SOX5: variants seen among roughly 807,000 people sequenced by gnomAD.
SOX5 encodes SRY-box transcription factor 5, also known as transcription factor SOX-5.
A neutral mutation model predicts 92.0 loss-of-function variants in SOX5; 9 were observed. The ratio of observed to expected loss-of-function variants is 0.10; its 90% confidence interval spans 0.06 to 0.17. SOX5 has a LOEUF of 0.17. Ranked by LOEUF, SOX5 falls within the 10% of genes least tolerant of loss-of-function variation. The pLI is 1.00. For missense variants in SOX5, 642 were observed against 944.5 expected (o/e 0.68, Z 4.20); for synonymous variants, 344 against 336.3 (o/e 1.02, Z -0.25).
intron 2 of SOX5, among the ~76,000 whole-genome samples, chr12:23,883,429 A>T (rs1405990060): frequency 2.0e-5 from 3 of 152,028 alleles, no homozygotes; most frequent in Non-Finnish European, 2.9e-5. Context: ...TTTTGTTCTG[A>T]TAAATAATCA....
intron 1 of SOX5, among the ~76,000 whole-genome samples, chr12:23,903,404 G>A (rs1036565576): frequency 2.6e-5 from 4 of 152,098 alleles, no homozygotes; most frequent in African/African-American, 9.7e-5. Context: ...GCAAAACTGG[G>A]AGACTCCATT....
At chr12:24,369,635 T>A (rs908991870) in intron 1 of SOX5, among the ~76,000 whole-genome samples, 1 of 152,214 alleles carries the variant, frequency 6.6e-6, no homozygotes, top group African/African-American at 2.4e-5. Context: ...CTGTCTCCTT[T>A]TCTTAAAACA....
At chr12:24,451,347 A>G (rs1942274295) in intron 1 of SOX5, among the ~76,000 whole-genome samples, 1 of 152,166 alleles carries the variant, frequency 6.6e-6, no homozygotes, top group Non-Finnish European at 1.5e-5. Context: ...TGGTAGCTCA[A>G]TGTGTAGTTT....
chr12:23,534,920 G>A (rs1232841584), intron 14 of SOX5, among the ~76,000 whole-genome samples: 2 of 151,984 alleles, frequency 1.3e-5, no homozygotes, highest in South Asian at 2.1e-4. Flanking sequence ...ATGTTGGCCA[G>A]GCTGGTCTTG....
At chr12:24,320,322 T>C (rs1171616341) in intron 2 of SOX5, among the ~76,000 whole-genome samples, 1 of 152,192 alleles carries the variant, frequency 6.6e-6, no homozygotes, top group African/African-American at 2.4e-5. Context: ...AAGTTTTCCT[T>C]TATAGGTCTT....
intron 4 of SOX5, among the ~76,000 whole-genome samples, chr12:24,004,662 T>C (rs889506782): frequency 7.2e-5 from 11 of 152,134 alleles, no homozygotes; most frequent in African/African-American, 2.7e-4. Context: ...TGCATATATA[T>C]TGCTGCTGGG....
At chr12:24,178,187 G>A (rs1309906469) in intron 4 of SOX5, among the ~76,000 whole-genome samples, 2 of 151,082 alleles carry the variant, frequency 1.3e-5, no homozygotes, top group Admixed American at 6.6e-5. Flanking sequence ...AGATCCCATC[G>A]GCCAACTTTC....
chr12:24,189,524 T>G (rs1005297953), intron 4 of SOX5, among the ~76,000 whole-genome samples: 1 of 152,148 alleles, frequency 6.6e-6, no homozygotes, highest in Non-Finnish European at 1.5e-5. Flanking sequence ...GTATGAGTAT[T>G]CTTAAGTCTC....
chr12:24,353,155 T>C (rs796823228), intron 2 of SOX5, among the ~76,000 whole-genome samples: 20 of 152,312 alleles, frequency 1.3e-4, no homozygotes, highest in African/African-American at 4.6e-4. Flanking sequence ...ATTGGTCAAA[T>C]CTTACCCGGC....
intron 11 of SOX5, among the ~76,000 whole-genome samples, chr12:23,554,663 C>T (rs1944804683): frequency 6.6e-6 from 1 of 152,080 alleles, no homozygotes; most frequent in African/African-American, 2.4e-5. Flanking sequence ...ATATCAATAG[C>T]TGTTATACTC....
chr12:23,952,182 C>T (rs1368426063), upstream of SOX5, among the ~76,000 whole-genome samples: 2 of 151,706 alleles, frequency 1.3e-5, no homozygotes, highest in Non-Finnish European at 2.9e-5. Context: ...TTACAGGGAG[C>T]CATGGGAGTG....
At chr12:23,720,138 C>T (rs1004121432) in intron 6 of SOX5, among the ~76,000 whole-genome samples, 5 of 152,102 alleles carry the variant, frequency 3.3e-5, no homozygotes, top group Non-Finnish European at 5.9e-5. Context: ...TTCCTGTTCT[C>T]TTATGTGAAT....
chr12:23,841,873 A>ATGCATTTGTCAATGCATAC (rs1366436280), intron 3 of SOX5, among the ~76,000 whole-genome samples: 3 of 152,138 alleles, frequency 2.0e-5, no homozygotes, highest in Non-Finnish European at 4.4e-5. Flanking sequence ...AAATGACAAT[A>ATGCATTTGTCAATGCATAC]TGCATTTGTC....
Position 23,563,245 on chromosome 12 carries a change from T to G in SOX5, c.1488+13A>C, listed in dbSNP as rs776611831. On this transcript the variant is annotated intron_variant, in intron 11 of 14. Coordinates refer to ENST00000451604, the MANE Select transcript of SOX5 (RefSeq NM_006940.6). The stretch of plus-strand genomic sequence containing the variant: ...TAAGTATTTCTAGAAAGTAAGTTAT[T>G]TTATGAACTGACCTTTTCTGTTCGG... 10 of 1,593,362 alleles carry G rather than the reference T, an allele frequency of 6.3e-6. No homozygotes were observed. In the South Asian group the frequency reaches 1.1e-4, roughly 18 times the overall value.
chr12:23,667,541 A>T (rs148159445), intron 6 of SOX5, among the ~76,000 whole-genome samples: 18 of 152,320 alleles, frequency 1.2e-4, no homozygotes, highest in African/African-American at 3.4e-4. Context: ...CCTAGAGATT[A>T]TCAGCAACAA....
intron 4 of SOX5, among the ~76,000 whole-genome samples, chr12:24,045,394 G>T (rs1382644712): frequency 6.6e-6 from 1 of 152,076 alleles, no homozygotes; most frequent in East Asian, 1.9e-4. Flanking sequence ...GACCTCCCAG[G>T]CTCAAGAAAC....
intron 2 of SOX5, among the ~76,000 whole-genome samples, chr12:24,351,958 C>A (rs1038519062): frequency 2.0e-5 from 3 of 152,314 alleles, no homozygotes; most frequent in African/African-American, 7.2e-5. Context: ...ACAGCTCTTT[C>A]AACTTTGTGA....
At chr12:23,653,823 C>T (rs2081986203) in intron 7 of SOX5, among the ~76,000 whole-genome samples, 1 of 152,018 alleles carries the variant, frequency 6.6e-6, no homozygotes, top group Non-Finnish European at 1.5e-5. Context: ...ACATTCAGAC[C>T]ATAGCAATCC....
At chr12:24,539,622 A>T (rs948423112) in intron 1 of SOX5, among the ~76,000 whole-genome samples, 1 of 152,124 alleles carries the variant, frequency 6.6e-6, no homozygotes, top group African/African-American at 2.4e-5. Flanking sequence ...CAGTAAAATT[A>T]TCTTTTAATT....
Sources: allele counts gnomAD v4.1 joint callset (sites outside exome capture counted in the v4.1 genomes callset), GRCh38; gene constraint gnomAD v4.1.1; transcripts MANE v1.5; gene names NCBI Gene and HGNC (gene_info 2026-07-23, HGNC 2026-07-21).